ACBD6: variants seen among roughly 807,000 people sequenced by gnomAD.
ACBD6 encodes the protein acyl-CoA binding domain containing 6.
Under a neutral mutation model 37.2 loss-of-function variants are expected in ACBD6, and 28 were observed. The observed-to-expected ratio is 0.75, with a 90% confidence interval of 0.56 to 1.03. The LOEUF (loss-of-function observed/expected upper bound fraction) is 1.03, where lower values mean the gene tolerates loss of function less well. Ranked by LOEUF, ACBD6 falls within the 50% of genes least tolerant of loss-of-function variation. The pLI is 0.00. For missense variants in ACBD6, 340 were observed against 337.4 expected (o/e 1.01, Z -0.06); for synonymous variants, 113 against 126.8 (o/e 0.89, Z 0.73).
chr1:180,313,604 G>C (rs550228203), intron 7 of ACBD6, among the ~76,000 whole-genome samples: 166 of 152,304 alleles, frequency 1.1e-3, no homozygotes, highest in African/African-American at 3.9e-3. Flanking sequence ...GTCTAAGGTT[G>C]CCAAGACTGG....
intron 4 of ACBD6, 24 bp downstream of exon 4, chr1:180,430,156 A>G: frequency 6.3e-7 from 1 of 1,588,994 alleles, no homozygotes; most frequent in Non-Finnish European, 8.6e-7. Context: ...TATTTCTATT[A>G]TCAAAGATCA....
intron 6 of ACBD6, among the ~76,000 whole-genome samples, chr1:180,374,859 A>T (rs1348986367): frequency 6.6e-6 from 1 of 152,210 alleles, no homozygotes; most frequent in Non-Finnish European, 1.5e-5. Context: ...TAAAAACAGT[A>T]AACATTTTAT....
chr1:180,490,949 C>A, intron 3 of ACBD6, among the ~76,000 whole-genome samples: 1 of 123,940 alleles, frequency 8.1e-6, no homozygotes. Flanking sequence ...TAGAGTGAGA[C>A]TCTGTCTCAT....
At chr1:180,270,292 G>A (rs1648567272) in exon 14 of ACBD6, 1 of 152,296 alleles carries the variant, frequency 6.6e-6, no homozygotes, top group Non-Finnish European at 1.5e-5. Flanking sequence ...TGAATGGAAA[G>A]AAAGGAGAAA....
At chr1:180,279,322 A>C (rs1401645712) in intron 9 of ACBD6, among the ~76,000 whole-genome samples, 1 of 152,080 alleles carries the variant, frequency 6.6e-6, no homozygotes, top group Non-Finnish European at 1.5e-5. Flanking sequence ...TTTGAGACAG[A>C]GTCTTGCGCT....
chr1:180,291,748 T>TA (rs1210158357), intron 7 of ACBD6, among the ~76,000 whole-genome samples: 3 of 152,032 alleles, frequency 2.0e-5, no homozygotes, highest in Non-Finnish European at 4.4e-5. Context: ...GTGTTCCATC[T>TA]AAAAAAAACT....
At chr1:180,356,584 C>T (rs1461296764) in intron 6 of ACBD6, among the ~76,000 whole-genome samples, 1 of 151,780 alleles carries the variant, frequency 6.6e-6, no homozygotes, top group South Asian at 2.1e-4. Flanking sequence ...TGCTGGTTTC[C>T]GCCTGTAATC....
chr1:180,440,817 T>C (rs1649252386), intron 3 of ACBD6, among the ~76,000 whole-genome samples: 1 of 152,238 alleles, frequency 6.6e-6, no homozygotes. Flanking sequence ...TAATCTTTCA[T>C]GTCTGGCCTC....
At chr1:180,344,085 G>A (rs893867594) in intron 6 of ACBD6, among the ~76,000 whole-genome samples, 8 of 152,154 alleles carry the variant, frequency 5.3e-5, no homozygotes, top group African/African-American at 1.7e-4. Flanking sequence ...AGAAAGCAAT[G>A]AAAGGCCTGT....
intron 3 of ACBD6, among the ~76,000 whole-genome samples, chr1:180,441,209 T>C (rs1359661614): frequency 6.6e-6 from 1 of 152,210 alleles, no homozygotes; most frequent in Non-Finnish European, 1.5e-5. Flanking sequence ...CTTGTTATTA[T>C]CTTTTTTATT....
Position 180,456,338 on chromosome 1 carries a change from G to A in ACBD6, c.385-26076C>T, listed in dbSNP as rs577920843. Among the ~76,000 whole-genome samples, 8 of 152,078 alleles carry A rather than the reference G, an allele frequency of 5.3e-5. No individual in the cohort carries two copies. In the South Asian group the frequency reaches 8.3e-4, roughly 16 times the overall value. On this transcript the variant is annotated intron_variant, in intron 3 of 7. Transcript: ENST00000367595. ...ATTTTCTAACTCTATATCAAGGAACGGCACAAGTGTCCCCAGGGAAAGAAA... is the reference window on the plus strand; with the variant it reads ...ATTTTCTAACTCTATATCAAGGAACAGCACAAGTGTCCCCAGGGAAAGAAA...
intron 6 of ACBD6, among the ~76,000 whole-genome samples, chr1:180,374,856 A>G (rs1218983614): frequency 6.6e-6 from 1 of 152,188 alleles, no homozygotes; most frequent in Non-Finnish European, 1.5e-5. Context: ...ACTTAAAAAC[A>G]GTAAACATTT....
chr1:180,378,449 T>C (rs536578380), intron 6 of ACBD6, among the ~76,000 whole-genome samples: 2 of 152,324 alleles, frequency 1.3e-5, no homozygotes, highest in African/African-American at 4.8e-5. Context: ...ATTTAAACAA[T>C]AGTATCATAC....
At chr1:180,390,851 G>A (rs990975628) in intron 6 of ACBD6, among the ~76,000 whole-genome samples, 1 of 152,020 alleles carries the variant, frequency 6.6e-6, no homozygotes, top group Non-Finnish European at 1.5e-5. Flanking sequence ...AAATTCACAT[G>A]GAAATTCACG....
chr1:180,424,406 C>T (rs1218439935), intron 4 of ACBD6, among the ~76,000 whole-genome samples: 1 of 151,968 alleles, frequency 6.6e-6, no homozygotes, highest in Non-Finnish European at 1.5e-5. Context: ...ATTCCTCATA[C>T]CCTACGTGTC....
intron 5 of ACBD6, among the ~76,000 whole-genome samples, chr1:180,398,665 T>C (rs185924348): frequency 2.9e-4 from 44 of 152,306 alleles, no homozygotes; most frequent in African/African-American, 1.0e-3. Flanking sequence ...TTCTATTCTC[T>C]ACTGCCAGAA....
intron 3 of ACBD6, among the ~76,000 whole-genome samples, chr1:180,473,549 T>C (rs958716646): frequency 5.3e-5 from 8 of 152,146 alleles, no homozygotes; most frequent in Admixed American, 2.0e-4. Flanking sequence ...TATCTAACTT[T>C]GTAACACAAA....
intron 9 of ACBD6, among the ~76,000 whole-genome samples, chr1:180,281,011 A>G (rs1174172104): frequency 6.6e-6 from 1 of 152,152 alleles, no homozygotes; most frequent in Non-Finnish European, 1.5e-5. Context: ...CATACTATCA[A>G]CTGTTTTTGA....
intron 6 of ACBD6, among the ~76,000 whole-genome samples, chr1:180,334,623 C>T (rs551315666): frequency 3.7e-4 from 57 of 152,150 alleles, no homozygotes; most frequent in East Asian, 5.8e-4. Context: ...TCCAAAGGAA[C>T]GCAGCTCCTC....
Sources: allele counts gnomAD v4.1 joint callset (sites outside exome capture counted in the v4.1 genomes callset), GRCh38; gene constraint gnomAD v4.1.1; transcripts MANE v1.5; gene names NCBI Gene and HGNC (gene_info 2026-07-23, HGNC 2026-07-21).